The following TBC1D2B variants were observed in gnomAD, a reference collection of about 807,000 sequenced individuals.
The protein encoded by TBC1D2B is TBC1 domain family, member 2B.
In TBC1D2B, 64 loss-of-function variants were observed where a neutral mutation model predicts 100.8. That is an observed-to-expected ratio of 0.64 (90% CI 0.52 to 0.78). The LOEUF (loss-of-function observed/expected upper bound fraction) is 0.78. Ranked by LOEUF, TBC1D2B falls within the 30% of genes least tolerant of loss-of-function variation. The pLI, the probability that TBC1D2B is intolerant of heterozygous loss-of-function variation, is 0.00. For missense variants in TBC1D2B, 1,052 were observed against 1,218.4 expected (o/e 0.86, Z 2.03); for synonymous variants, 480 against 479.7 (o/e 1.00, Z -0.01).
At chr15:78,003,554 C>T (rs2071976651) in intron 10 of TBC1D2B, 64 bp from the exon 11 acceptor site, 1 of 1,323,386 alleles carries the variant, frequency 7.6e-7, no homozygotes, top group Admixed American at 1.9e-5. Context: ...AGCAGACGAG[C>T]AGACGCGCAA....
chr15:77,999,650 A>G (rs2141610289), intron 12 of TBC1D2B, among the ~76,000 whole-genome samples: 1 of 152,290 alleles, frequency 6.6e-6, no homozygotes, highest in Admixed American at 6.5e-5. Flanking sequence ...TTTCTCCCCA[A>G]CAGCTGTCAG....
chr15:78,008,115 G>A (rs148928979), intron 10 of TBC1D2B, among the ~76,000 whole-genome samples: 23 of 152,338 alleles, frequency 1.5e-4, no homozygotes, highest in Non-Finnish European at 3.2e-4. Context: ...GCGAAGGGCC[G>A]GCTTACGGGG....
At chr15:78,065,723 T>C (rs577853039) in intron 1 of TBC1D2B, among the ~76,000 whole-genome samples, 1 of 152,096 alleles carries the variant, frequency 6.6e-6, no homozygotes, top group Non-Finnish European at 1.5e-5. Flanking sequence ...TACCACATTA[T>C]TCTGCTTGAT....
chr15:78,074,782 G>A (rs1426050776), intron 1 of TBC1D2B, among the ~76,000 whole-genome samples: 1 of 152,200 alleles, frequency 6.6e-6, no homozygotes, highest in African/African-American at 2.4e-5. Flanking sequence ...CACAATCAGT[G>A]TGTAACTTAC....
chr15:78,007,706 A>G (rs2072104386), intron 10 of TBC1D2B, among the ~76,000 whole-genome samples: 1 of 152,242 alleles, frequency 6.6e-6, no homozygotes, highest in Non-Finnish European at 1.5e-5. Context: ...GAAGCCAAAC[A>G]GCTGACAGTG....
chr15:78,072,509 T>C (rs2073756063), intron 1 of TBC1D2B, among the ~76,000 whole-genome samples: 1 of 152,146 alleles, frequency 6.6e-6, no homozygotes, highest in South Asian at 2.1e-4. Flanking sequence ...AACAATATGA[T>C]TACCCAAGCC....
Position 78,068,376 on chromosome 15 carries a change from A to ACCACAC in TBC1D2B, c.360+8911_360+8916dup, listed in dbSNP as rs964054676. Among the ~76,000 whole-genome samples the ACCACAC allele has an allele frequency of 6.2e-3, 695 of 111,304 alleles. 5 individuals carry two copies. The highest frequency in any genetic ancestry group is 1.0e-2 in the Non-Finnish European group (518 of 51,946). The allele number at this position is 111,304 out of a possible 152,430, so 73.0% of individuals were successfully genotyped here. On this transcript the variant is annotated intron_variant, in intron 1 of 12. Coordinates refer to ENST00000300584, the MANE Select transcript of TBC1D2B (RefSeq NM_144572.2). The stretch of plus-strand genomic sequence containing the variant: ...TTCACCATGAAATGAAAGCACACAC[A>ACCACAC]CCACACCCACACACACACACACACA...
intron 10 of TBC1D2B, among the ~76,000 whole-genome samples, chr15:78,006,590 GA>G (rs2072074886): frequency 6.6e-6 from 1 of 152,232 alleles, no homozygotes; most frequent in Admixed American, 6.5e-5. Flanking sequence ...CGTGGGCACA[GA>G]CAGGCAAGTT....
At chr15:78,050,899 T>C (rs1458518138) in intron 2 of TBC1D2B, among the ~76,000 whole-genome samples, 1 of 152,252 alleles carries the variant, frequency 6.6e-6, no homozygotes, top group Non-Finnish European at 1.5e-5. Context: ...GTTTTGATCG[T>C]GGCCATATGC....
chr15:78,074,611 T>A (rs2073798374), intron 1 of TBC1D2B, among the ~76,000 whole-genome samples: 1 of 152,004 alleles, frequency 6.6e-6, no homozygotes, highest in Admixed American at 6.6e-5. Context: ...CCATTCCCAA[T>A]CACATCCTCC....
chr15:78,066,294 T>C (rs1304821280), intron 1 of TBC1D2B, among the ~76,000 whole-genome samples: 3 of 152,018 alleles, frequency 2.0e-5, no homozygotes, highest in African/African-American at 4.8e-5. Context: ...AACCCGAGGA[T>C]GGAGGGCTCA....
At chr15:78,007,111 T>A (rs1019021655) in intron 10 of TBC1D2B, among the ~76,000 whole-genome samples, 1 of 152,178 alleles carries the variant, frequency 6.6e-6, no homozygotes, top group East Asian at 1.9e-4. Context: ...AGATGAGCGA[T>A]GGGATGTTGT....
chr15:78,035,919 C>T (rs772074157), intron 3 of TBC1D2B, among the ~76,000 whole-genome samples: 1 of 152,174 alleles, frequency 6.6e-6, no homozygotes, highest in Non-Finnish European at 1.5e-5. Context: ...CTCAAAGGGG[C>T]ATGGCAGGTG....
chr15:78,048,906 T>G (rs1317171223), intron 2 of TBC1D2B, among the ~76,000 whole-genome samples: 6 of 152,076 alleles, frequency 3.9e-5, no homozygotes, highest in African/African-American at 1.4e-4. Flanking sequence ...CTCATAAAAC[T>G]CAACCCAGGC....
Position 78,038,055 on chromosome 15 carries a change from A to G in TBC1D2B, c.683+6845T>C, listed in dbSNP as rs547071821. 1.4e-4 allele frequency among the ~76,000 whole-genome samples: 21 copies of G among 152,240 alleles called. No homozygotes were observed. In the South Asian group the frequency reaches 1.4e-3, roughly 10 times the overall value. On this transcript the variant is annotated intron_variant, in intron 3 of 12. Transcript: ENST00000300584. The stretch of plus-strand genomic sequence containing the variant: ...TGGGCAGACCCCCCCACGAGTATAA[A>G]GGGCAGAGGATGAGAAGCCCCCAAG...
At chr15:78,009,663 A>T (rs934569293) in intron 9 of TBC1D2B, among the ~76,000 whole-genome samples, 3 of 152,096 alleles carry the variant, frequency 2.0e-5, no homozygotes, top group Admixed American at 6.5e-5. Flanking sequence ...CAGCCTCATT[A>T]AAAAAAAGTT....
intron 2 of TBC1D2B, among the ~76,000 whole-genome samples, chr15:78,048,840 T>C (rs913558193): frequency 6.6e-6 from 1 of 152,250 alleles, no homozygotes; most frequent in Admixed American, 6.5e-5. Context: ...CAGTCAGGCC[T>C]AGGTGCTCCG....
intron 11 of TBC1D2B, 88 bp from the exon 12 acceptor site, chr15:78,001,828 G>C (rs1361952523): frequency 4.9e-6 from 7 of 1,427,298 alleles, no homozygotes; most frequent in Non-Finnish European, 6.6e-6. Context: ...TGGCCCTACT[G>C]GGGACAGGGG....
At chr15:78,061,338 A>C (rs2073541382) in intron 1 of TBC1D2B, among the ~76,000 whole-genome samples, 1 of 152,042 alleles carries the variant, frequency 6.6e-6, no homozygotes, top group Non-Finnish European at 1.5e-5. Flanking sequence ...TTTGGGAGGC[A>C]GAGGCAGGCA....
Sources: gnomAD v4.1 joint callset for allele counts (sites outside exome capture counted in the v4.1 genomes callset) on GRCh38, gnomAD v4.1.1 for gene constraint, MANE v1.5 for transcripts, NCBI Gene and HGNC (gene_info 2026-07-23, HGNC 2026-07-21) for gene names.